ADAM19: variants seen among roughly 807,000 people sequenced by gnomAD.
The protein encoded by ADAM19 is disintegrin and metalloproteinase domain-containing protein 19.
In ADAM19, 65 loss-of-function variants were observed where a neutral mutation model predicts 114.7. That is an observed-to-expected ratio of 0.57 (90% confidence interval 0.46 to 0.70). ADAM19 has a LOEUF of 0.70. Among genes scored for constraint, ADAM19 ranks in the 30% least tolerant of loss-of-function variants. The pLI, the probability that ADAM19 is intolerant of heterozygous loss-of-function variation, is 0.00. For synonymous variants in ADAM19, 466 were observed against 460.5 expected (o/e 1.01, Z -0.15); for missense variants, 1,063 against 1,204.7 (o/e 0.88, Z 1.74).
chr5:157,514,227 A>G (rs559924818), intron 7 of ADAM19, among the ~76,000 whole-genome samples: 1 of 152,304 alleles, frequency 6.6e-6, no homozygotes, highest in African/African-American at 2.4e-5. Context: ...ACACTGGCAA[A>G]TAGGCTTCAT....
chr5:157,533,953 C>T (rs1192789665), intron 4 of ADAM19, among the ~76,000 whole-genome samples: 2 of 151,628 alleles, frequency 1.3e-5, no homozygotes, highest in African/African-American at 2.4e-5. Context: ...GGTGACCGAG[C>T]GAGACTCTGT....
intron 5 of ADAM19, among the ~76,000 whole-genome samples, chr5:157,520,630 C>T (rs563128960): frequency 2.0e-5 from 3 of 152,152 alleles, no homozygotes; most frequent in Admixed American, 6.5e-5. Flanking sequence ...ATCCCTAACA[C>T]GGCAATGATA....
chr5:157,505,886 C>T lies in ADAM19; in HGVS notation c.991-78G>A, dbSNP rs936960084. ...CCCCCCATCCCTGCCTTATCCTTAG[C>T]CAAGTCTTGCAGGTCTCCACCAATT... is the stretch of plus-strand genomic sequence containing the variant. On this transcript the variant is annotated intron_variant, in intron 10 of 22. Transcript: ENST00000257527. The T allele has an allele frequency of 7.3e-6, 11 of 1,505,700 alleles. No homozygotes were observed. The African/African-American group carries it at 1.5e-4, about 21-fold the overall frequency. The allele number at this position is 1,505,700 out of a possible 1,614,324, so 93.3% of individuals were successfully genotyped here.
chr5:157,532,982 A>T (rs1050809519), intron 4 of ADAM19, among the ~76,000 whole-genome samples: 1 of 152,186 alleles, frequency 6.6e-6, no homozygotes, highest in Non-Finnish European at 1.5e-5. Flanking sequence ...GGCAGGCGAT[A>T]AACATCGGCA....
intron 3 of ADAM19, among the ~76,000 whole-genome samples, chr5:157,542,170 A>G (rs1554082537): frequency 6.6e-6 from 1 of 152,150 alleles, no homozygotes; most frequent in Non-Finnish European, 1.5e-5. Flanking sequence ...ACTTAGCCCA[A>G]CAACTGCACA....
chr5:157,493,305 C>A (rs558051985), intron 15 of ADAM19, 128 bp from the exon 16 acceptor site: 231 of 914,322 alleles, frequency 2.5e-4, no homozygotes, highest in Non-Finnish European at 3.6e-5. Flanking sequence ...AGGTTTAGGG[C>A]AGTCATGTGC....
At chr5:157,513,621 C>G (rs528619218) in intron 7 of ADAM19, 116 bp from the exon 8 acceptor site, 4 of 900,014 alleles carry the variant, frequency 4.4e-6, no homozygotes, top group East Asian at 5.1e-5. Flanking sequence ...TATGAGCCAT[C>G]ATTTTTATGC....
At chr5:157,532,319 C>T (rs1176408529) in intron 4 of ADAM19, among the ~76,000 whole-genome samples, 1 of 152,178 alleles carries the variant, frequency 6.6e-6, no homozygotes, top group Non-Finnish European at 1.5e-5. Flanking sequence ...AATGAGAAAT[C>T]CAAACAGATA....
chr5:157,560,006 C>T (rs1757467460), intron 3 of ADAM19, among the ~76,000 whole-genome samples: 1 of 152,104 alleles, frequency 6.6e-6, no homozygotes, highest in Non-Finnish European at 1.5e-5. Flanking sequence ...TGGCTCACGC[C>T]TGTAATCCCA....
intron 3 of ADAM19, among the ~76,000 whole-genome samples, chr5:157,545,089 G>A (rs1227168874): frequency 2.0e-5 from 3 of 152,210 alleles, no homozygotes; most frequent in Admixed American, 2.0e-4. Context: ...AAATGTAGGT[G>A]CTTAGCCCTT....
intron 21 of ADAM19, among the ~76,000 whole-genome samples, chr5:157,483,405 T>C (rs1425692247): frequency 6.6e-6 from 1 of 151,994 alleles, no homozygotes; most frequent in East Asian, 1.9e-4. Context: ...AAGTGACAGA[T>C]GATATAGCAC....
At position 157,500,527 on chromosome 5, in the gene ADAM19, A is replaced by T. The variant is rs184421496; in HGVS notation, c.1309-865T>A. ...TTCTAATCCCCAGTAGAACATCCAGACACCCTGTCTTTCATGGGTGCCCTC... is the reference window on the plus strand; with the variant it reads ...TTCTAATCCCCAGTAGAACATCCAGTCACCCTGTCTTTCATGGGTGCCCTC... On this transcript the variant is annotated intron_variant, in intron 12 of 22. Coordinates refer to ENST00000257527, the MANE Select transcript of ADAM19 (RefSeq NM_033274.5). Among the ~76,000 whole-genome samples the T allele has an allele frequency of 4.0e-3, 611 of 152,254 alleles. 4 individuals are homozygous for T. The highest frequency in any genetic ancestry group is 0.014 in the African/African-American group (577 of 41,544).
rs577724506 is a variant in ADAM19 at position 157,564,296 on chromosome 5, C to T, written c.251+77G>A. On this transcript the variant is annotated intron_variant, in intron 3 of 22. Coordinates refer to ENST00000257527, the MANE Select transcript of ADAM19 (RefSeq NM_033274.5). The stretch of plus-strand genomic sequence containing the variant: ...GGTCACTCCATTGACTGCTTCCTTC[C>T]AGAACAGCGACACCTGCGTCCGGCG... 5.0e-6 allele frequency: 7 copies of T among 1,397,716 alleles called. No individual in the cohort carries two copies. In the African/African-American group the frequency reaches 8.5e-5, roughly 17 times the overall value. 86.6% of individuals were successfully genotyped at this position (1,397,716 alleles called of 1,614,324 possible).
intron 8 of ADAM19, among the ~76,000 whole-genome samples, chr5:157,512,490 T>G (rs4579242): frequency 0.42 from 63,139 of 152,042 alleles, 14,131 homozygotes; most frequent in African/African-American, 0.58. Flanking sequence ...AAAGAGACTT[T>G]TGATCCCAAA....
chr5:157,544,775 C>T (rs1053393773), intron 3 of ADAM19, among the ~76,000 whole-genome samples: 1 of 152,086 alleles, frequency 6.6e-6, no homozygotes, highest in East Asian at 1.9e-4. Context: ...AATCTAAAAG[C>T]GAAAATGGTG....
At position 157,480,065 on chromosome 5, in the gene ADAM19, C is replaced by T. The variant is rs1754697756; in HGVS notation, c.*884G>A. The T allele has an allele frequency of 1.0e-6, 1 of 985,992 alleles. No individual in the cohort carries two copies. Among genetic ancestry groups the T allele is most frequent in the Non-Finnish European group, 1.2e-6 (1 of 830,020 alleles). The allele number at this position is 985,992 out of a possible 1,614,324, so 61.1% of individuals were successfully genotyped here. Reference sequence around the variant, plus strand: ...AGGACTCTGACTTGTAGGTCACAAGCACCTGGTCACCCGAAGGTCAGGACT... The same window carrying T: ...AGGACTCTGACTTGTAGGTCACAAGTACCTGGTCACCCGAAGGTCAGGACT... On this transcript the variant is annotated 3_prime_UTR_variant, in exon 23 of 23. Coordinates refer to ENST00000257527, the MANE Select transcript of ADAM19 (RefSeq NM_033274.5).
chr5:157,482,020 T>G, intron 21 of ADAM19, 77 bp from the exon 22 acceptor site: 1 of 1,172,302 alleles, frequency 8.5e-7, no homozygotes. Flanking sequence ...TCTTACAGGT[T>G]AAAATCAGAT....
chr5:157,507,327 T>C (rs555613705), intron 9 of ADAM19, among the ~76,000 whole-genome samples, 187 bp from the exon 10 acceptor site: 1 of 152,286 alleles, frequency 6.6e-6, no homozygotes, highest in East Asian at 1.9e-4. Flanking sequence ...TCTCACTTCC[T>C]CTCACCTACT....
intron 7 of ADAM19, among the ~76,000 whole-genome samples, chr5:157,517,473 T>C (rs1014125265): frequency 6.6e-6 from 1 of 152,240 alleles, no homozygotes; most frequent in Non-Finnish European, 1.5e-5. Context: ...AACAGCTGGC[T>C]AATTTAGGCA....
Sources: gnomAD v4.1 joint callset for allele counts (sites outside exome capture counted in the v4.1 genomes callset) on GRCh38, gnomAD v4.1.1 for gene constraint, MANE v1.5 for transcripts, NCBI Gene and HGNC (gene_info 2026-07-23, HGNC 2026-07-21) for gene names.